MAST4: variants seen among roughly 807,000 people sequenced by gnomAD.
MAST4 encodes microtubule-associated serine/threonine-protein kinase 4.
A neutral mutation model predicts 162.7 loss-of-function variants in MAST4; 89 were observed. The observed-to-expected ratio is 0.55, with a 90% CI of 0.46 to 0.65. The LOEUF is 0.65. Among genes scored for constraint, MAST4 ranks in the 30% least tolerant of loss-of-function variants. MAST4 has a pLI of 0.00. For missense variants in MAST4, 3,153 were observed against 3,374.0 expected (o/e 0.93, Z 1.62); for synonymous variants, 1,479 against 1,361.1 (o/e 1.09, Z -1.91).
At chr5:67,045,410 A>G (rs1030337928) in intron 4 of MAST4, among the ~76,000 whole-genome samples, 6 of 152,232 alleles carry the variant, frequency 3.9e-5, no homozygotes, top group Non-Finnish European at 7.3e-5. Context: ...AGCCATGTAG[A>G]AATAGCTATG....
rs1239916899 is a variant in MAST4 at position 67,121,006 on chromosome 5, T to C, written c.1660-11T>C. The C allele has an allele frequency of 6.3e-7, 1 of 1,592,344 alleles. No homozygotes were observed. The highest frequency in any genetic ancestry group is 8.6e-7 in the Non-Finnish European group (1 of 1,166,700). On this transcript the variant is annotated splice_polypyrimidine_tract_variant and intron_variant, in intron 13 of 28. Coordinates refer to ENST00000403625, the MANE Select transcript of MAST4 (RefSeq NM_001164664.2). The stretch of plus-strand genomic sequence containing the variant: ...TAAACTACTTTTTAACTTCCATATT[T>C]TGTTTCCAAGAGCTCTAATGCCTCC...
intron 3 of MAST4, among the ~76,000 whole-genome samples, chr5:66,842,608 A>T (rs1758509172): frequency 6.6e-6 from 1 of 152,020 alleles, no homozygotes; most frequent in South Asian, 2.1e-4. Context: ...CTTGCTTTGA[A>T]ATTATTTTGA....
intron 4 of MAST4, among the ~76,000 whole-genome samples, chr5:67,000,756 A>AGG (rs71610548): frequency 0.046 from 6,486 of 141,122 alleles, 184 homozygotes; most frequent in Admixed American, 0.077. Flanking sequence ...CTAAAAAAAA[A>AGG]GGGGGGGGGT....
At chr5:67,125,949 C>G (rs1252012384) in intron 14 of MAST4, among the ~76,000 whole-genome samples, 1 of 152,216 alleles carries the variant, frequency 6.6e-6, no homozygotes, top group African/African-American at 2.4e-5. Context: ...ACCATTCTAA[C>G]TGGCGAGAGA....
At chr5:67,106,941 A>T (rs1765664258) in intron 10 of MAST4, among the ~76,000 whole-genome samples, 1 of 152,212 alleles carries the variant, frequency 6.6e-6, no homozygotes, top group Admixed American at 6.5e-5. Flanking sequence ...ACCTATTAGG[A>T]TGTATCAAGT....
intron 3 of MAST4, among the ~76,000 whole-genome samples, chr5:66,844,139 C>CTGTGTG (rs59568297): frequency 0.013 from 1,315 of 104,520 alleles, 33 homozygotes; most frequent in Non-Finnish European, 0.015. Flanking sequence ...CCCAGTCAGC[C>CTGTGTG]TGTGTGTGTG....
At chr5:66,710,514 C>T (rs1054718825) in intron 1 of MAST4, among the ~76,000 whole-genome samples, 5 of 152,112 alleles carry the variant, frequency 3.3e-5, no homozygotes, top group African/African-American at 1.2e-4. Context: ...TCTTCCGTAG[C>T]CCAGGGAATT....
At chr5:67,049,022 CGT>C (rs1491370643) in intron 4 of MAST4, among the ~76,000 whole-genome samples, 5 of 81,936 alleles carry the variant, frequency 6.1e-5, no homozygotes, top group African/African-American at 1.7e-4. Flanking sequence ...TATATATATA[CGT>C]ATATATATAT....
At chr5:66,887,026 C>T (rs907672190) in intron 3 of MAST4, among the ~76,000 whole-genome samples, 1 of 152,000 alleles carries the variant, frequency 6.6e-6, no homozygotes, top group African/African-American at 2.4e-5. Flanking sequence ...ACCCCAGAGC[C>T]TTTTATTGCT....
intron 4 of MAST4, among the ~76,000 whole-genome samples, chr5:66,971,894 A>G (rs1322110181): frequency 6.7e-6 from 1 of 150,212 alleles, no homozygotes; most frequent in African/African-American, 2.5e-5. Flanking sequence ...ATTAACACCC[A>G]CCCTGTTGAT....
At chr5:66,856,370 C>A (rs1580670056) in intron 3 of MAST4, among the ~76,000 whole-genome samples, 1 of 152,062 alleles carries the variant, frequency 6.6e-6, no homozygotes, top group Non-Finnish European at 1.5e-5. Context: ...CCAGGTAGGA[C>A]CTTGATGGTT....
chr5:67,089,035 G>A (rs966688445), intron 5 of MAST4, among the ~76,000 whole-genome samples: 11 of 152,178 alleles, frequency 7.2e-5, no homozygotes, highest in African/African-American at 2.7e-4. Flanking sequence ...ATAAAATCTT[G>A]TCTTCCTTAC....
intron 1 of MAST4, among the ~76,000 whole-genome samples, chr5:66,683,782 T>C (rs1748473351): frequency 6.6e-6 from 1 of 152,192 alleles, no homozygotes; most frequent in Non-Finnish European, 1.5e-5. Flanking sequence ...TCCTCCAGCT[T>C]GCTTTTCTAG....
intron 1 of MAST4, among the ~76,000 whole-genome samples, chr5:66,638,412 C>G (rs1024521080): frequency 3.3e-5 from 5 of 152,204 alleles, no homozygotes; most frequent in African/African-American, 1.2e-4. Flanking sequence ...TCCTGCCTCT[C>G]TCCCCTCATT....
At chr5:66,818,671 G>A (rs552783448) in intron 3 of MAST4, among the ~76,000 whole-genome samples, 1 of 152,284 alleles carries the variant, frequency 6.6e-6, no homozygotes, top group South Asian at 2.1e-4. Context: ...TTGTTTGTGT[G>A]TCTATCTGAA....
chr5:66,944,100 T>A (rs1470467831), intron 4 of MAST4, among the ~76,000 whole-genome samples: 1 of 152,158 alleles, frequency 6.6e-6, no homozygotes, highest in African/African-American at 2.4e-5. Context: ...ATTTTGCTAT[T>A]TTTAAAAAAT....
At chr5:66,730,863 C>T (rs796782496) in intron 1 of MAST4, among the ~76,000 whole-genome samples, 2 of 151,786 alleles carry the variant, frequency 1.3e-5, no homozygotes, top group African/African-American at 4.8e-5. Flanking sequence ...CCCTCCCCCT[C>T]CCCCAAAAAA....
intron 1 of MAST4, among the ~76,000 whole-genome samples, chr5:66,726,761 A>C (rs747794880): frequency 6.6e-6 from 1 of 152,114 alleles, no homozygotes; most frequent in African/African-American, 2.4e-5. Flanking sequence ...GTGGCATTAG[A>C]TTATCATAGG....
intron 21 of MAST4, chr5:67,142,818 C>T (rs781148471): frequency 3.2e-5 from 9 of 280,840 alleles, no homozygotes; most frequent in Admixed American, 4.8e-5. Flanking sequence ...TCAGGAACCC[C>T]GGCACCAATA....
Sources: gnomAD v4.1 joint callset for allele counts (sites outside exome capture counted in the v4.1 genomes callset) on GRCh38, gnomAD v4.1.1 for gene constraint, MANE v1.5 for transcripts, NCBI Gene and HGNC (gene_info 2026-07-23, HGNC 2026-07-21) for gene names.